Variants in NCOR1 observed in about 807,000 individuals in gnomAD.
NCOR1 encodes nuclear receptor corepressor 1.
Under a neutral mutation model 288.1 loss-of-function variants are expected in NCOR1, and 63 were observed. The ratio of observed to expected loss-of-function variants is 0.22; its 90% CI spans 0.18 to 0.27. The LOEUF is 0.27. NCOR1 is among the 10% of genes least tolerant of loss of function. The pLI is 1.00. For synonymous variants in NCOR1, 1,007 were observed against 1,065.9 expected (o/e 0.94, Z 1.08); for missense variants, 2,397 against 3,019.2 (o/e 0.79, Z 4.83).
chr17:16,162,237 C>T lies in NCOR1; in HGVS notation c.618+2742G>A, dbSNP rs560538733. ...AGGAAAATGTAAACTGGAAGACAGG[C>T]TGAAGAAATTGCTCAGAATGAAGCC... is the stretch of plus-strand genomic sequence containing the variant. On this transcript the variant is annotated intron_variant, in intron 5 of 45. Coordinates refer to ENST00000268712, the MANE Select transcript of NCOR1 (RefSeq NM_006311.4). Among the ~76,000 whole-genome samples the T allele has an allele frequency of 2.0e-5, 3 of 151,876 alleles. No individual in the cohort carries two copies. In the South Asian group the frequency reaches 6.2e-4, roughly 32 times the overall value.
chr17:16,070,745 C>T (rs1296988980), intron 30 of NCOR1, among the ~76,000 whole-genome samples: 1 of 152,134 alleles, frequency 6.6e-6, no homozygotes, highest in East Asian at 1.9e-4. Context: ...AAGAAGTACA[C>T]AAGGCCAGGC....
intron 3 of NCOR1, among the ~76,000 whole-genome samples, chr17:16,179,078 G>A (rs902488131): frequency 3.9e-5 from 6 of 152,176 alleles, no homozygotes; most frequent in Non-Finnish European, 7.3e-5. Context: ...ACCCCAGCCT[G>A]TGCATCAGAG....
rs1250944617 is a variant in NCOR1, at chr17:16,029,395, T to C, written c.*2901A>G. 3.0e-6 allele frequency: 1 copy of C among 332,604 alleles called. No individual in the cohort carries two copies. Among genetic ancestry groups the C allele is most frequent in the Non-Finnish European group, 5.9e-6 (1 of 169,756 alleles). The allele number at this position is 332,604 out of a possible 1,614,324, so 20.6% of individuals were successfully genotyped here. A position where few individuals can be genotyped will look rare whatever the true frequency, so the allele number is the denominator to read the frequency against. On this transcript the variant is annotated 3_prime_UTR_variant, in exon 46 of 46. Coordinates refer to ENST00000268712, the MANE Select transcript of NCOR1 (RefSeq NM_006311.4). The stretch of plus-strand genomic sequence containing the variant: ...GGTTAAAATCGTGTCATTAAAATTT[T>C]TTAACTGTCCAATGGTCACTGGAGT...
chr17:16,098,751 T>C, intron 20 of NCOR1: 1 of 237,186 alleles, frequency 4.2e-6, no homozygotes. Flanking sequence ...GATACAAAGA[T>C]TACCATGGCC....
At chr17:16,137,992 C>A (rs2324142) in intron 13 of NCOR1, 166 bp downstream of exon 13, 307,972 of 555,416 alleles carry the variant, frequency 0.55, 89,292 homozygotes, top group African/African-American at 0.73. Flanking sequence ...TTCTGTGTTA[C>A]GATTTCTCTA....
At chr17:16,135,724 G>A (rs1599199326) in intron 14 of NCOR1, among the ~76,000 whole-genome samples, 1 of 152,284 alleles carries the variant, frequency 6.6e-6, no homozygotes, top group Non-Finnish European at 1.5e-5. Context: ...TTTCCAAAGA[G>A]CATGTAATCA....
At chr17:16,106,601 C>T (rs76275417) in intron 19 of NCOR1, among the ~76,000 whole-genome samples, 6,416 of 152,026 alleles carry the variant, frequency 0.042, 214 homozygotes, top group South Asian at 0.12. Flanking sequence ...CAGCTGCCTT[C>T]GTTCTTCAAT....
Position 16,075,674 on chromosome 17 carries a change from A to G in NCOR1, c.3530T>C (p.Ile1177Thr). The G allele has an allele frequency of 6.2e-7, 1 of 1,614,174 alleles. No homozygotes were observed. Among genetic ancestry groups the G allele is most frequent in the South Asian group, 1.1e-5 (1 of 91,084 alleles). Residue 1177 changes from isoleucine (I) to threonine (T), a missense_variant, in exon 27 of 46, where the codon ATA (isoleucine) becomes ACA (threonine). Ile to Thr is a moderately conservative substitution (Grantham distance 89). This residue lies in a region of NCOR1 where 1,872 missense variants were observed against 2,187.8 expected (regional missense o/e 0.86). Transcript: ENST00000268712. ...QGTPALPQTG[I>T]PTEALVKGSI... ...CCCCTTCACCAAAGCCTCTGTTGGT[A>G]TGCCAGTCTGGGGCAGAGCCGGGGT...
intron 14 of NCOR1, among the ~76,000 whole-genome samples, chr17:16,127,606 C>T (rs1416624723): frequency 1.1e-4 from 13 of 119,940 alleles, no homozygotes; most frequent in South Asian, 5.6e-4. Context: ...TGTATACATA[C>T]ATATGTGTAT....
At chr17:16,040,902 C>T in intron 42 of NCOR1, 1 of 182,260 alleles carries the variant, frequency 5.5e-6, no homozygotes. Flanking sequence ...AAAAAAGAAG[C>T]AGTGTAACCC....
intron 4 of NCOR1, among the ~76,000 whole-genome samples, chr17:16,165,410 C>G (rs960697509): frequency 5.3e-5 from 8 of 152,066 alleles, no homozygotes; most frequent in Admixed American, 2.0e-4. Flanking sequence ...TGTTGATCAG[C>G]CTCTAGTATA....
At position 16,071,402 on chromosome 17, in the gene NCOR1, T is replaced by TAA. The variant is rs1222865763; in HGVS notation, c.4152+6_4152+7insTT. 2 of 1,605,054 alleles carry TAA rather than the reference T, an allele frequency of 1.2e-6. No individual in the cohort carries two copies. The highest frequency in any genetic ancestry group is 8.5e-7 in the Non-Finnish European group (1 of 1,175,432). ...GTTACTGACAAAAAGAGCCAAAACT[T>TAA]AGTTACCTGGGAAATGGAACCCTCA... is the stretch of plus-strand genomic sequence containing the variant. On this transcript the variant is annotated splice_region_variant and intron_variant, in intron 30 of 45. Transcript: ENST00000268712.
rs61753150 is a variant in NCOR1, at chr17:16,070,460, T to A, written c.4218A>T (p.Leu1406Phe). ...QSAIKHNVKSLITGPSKLSRG... is the reference protein window; with the variant it reads ...QSAIKHNVKSFITGPSKLSRG... ...GGGATAGTTTGCTAGGCCCCGTGATTAAGGATTTGACATTGTGTTTGATGG... is the reference window on the plus strand; with the variant it reads ...GGGATAGTTTGCTAGGCCCCGTGATAAAGGATTTGACATTGTGTTTGATGG... Residue 1406 changes from leucine (L) to phenylalanine (F), a missense_variant, in exon 31 of 46, where the codon TTA (leucine) becomes TTT (phenylalanine). By Grantham distance (22) the Leu-to-Phe change is conservative. Around this residue, in one of 11 missense-constraint regions of NCOR1, gnomAD observed 1,872 missense variants for 2,187.8 expected, o/e 0.86. Transcript: ENST00000268712. 6.2e-7 allele frequency: 1 copy of A among 1,614,204 alleles called. No homozygotes were observed. The highest frequency in any genetic ancestry group is 8.5e-7 in the Non-Finnish European group (1 of 1,180,026).
intron 40 of NCOR1, among the ~76,000 whole-genome samples, chr17:16,051,859 T>C (rs999346082): frequency 1.6e-4 from 24 of 151,976 alleles, no homozygotes; most frequent in Non-Finnish European, 2.6e-4. Flanking sequence ...TGTGGTGAGC[T>C]GAGATCGCGC....
intron 14 of NCOR1, among the ~76,000 whole-genome samples, chr17:16,127,401 ATATGTG>A (rs1266190033): frequency 9.5e-6 from 1 of 105,736 alleles, no homozygotes; most frequent in South Asian, 2.5e-4. Context: ...ATACATGTGT[ATATGTG>A]TATGTATATA....
Position 16,094,530 on chromosome 17 carries a change from G to A in NCOR1, c.2821-2472C>T, listed in dbSNP as rs146097261. Among the ~76,000 whole-genome samples, 26 of 152,200 alleles carry A rather than the reference G, an allele frequency of 1.7e-4. 1 individual carries two copies. The highest frequency in any genetic ancestry group is 6.0e-4 in the African/African-American group (25 of 41,512). ...AAGAAAAATTGAGAGTGTTGGAGGT[G>A]TTCAAACAAGAGTGACTCCGGCTCC... On this transcript the variant is annotated intron_variant, in intron 21 of 45. Transcript: ENST00000268712.
At chr17:16,154,884 G>T (rs908970278) in intron 6 of NCOR1, among the ~76,000 whole-genome samples, 3 of 152,166 alleles carry the variant, frequency 2.0e-5, no homozygotes, top group Non-Finnish European at 4.4e-5. Flanking sequence ...TTTAGGAGGT[G>T]GGACTAACGC....
intron 2 of NCOR1, among the ~76,000 whole-genome samples, chr17:16,187,988 A>G (rs1166291593): frequency 6.6e-6 from 1 of 151,972 alleles, no homozygotes; most frequent in Non-Finnish European, 1.5e-5. Context: ...AGATGGGGAG[A>G]AGAGGAGAAT....
intron 1 of NCOR1, among the ~76,000 whole-genome samples, chr17:16,212,928 C>G (rs1022763613): frequency 6.6e-6 from 1 of 151,726 alleles, no homozygotes; most frequent in Admixed American, 6.6e-5. Flanking sequence ...AAAAAATTAA[C>G]CAGGCGTGGT....
Sources: gnomAD v4.1 joint callset for allele counts (sites outside exome capture counted in the v4.1 genomes callset) on GRCh38, gnomAD v4.1.1 for gene constraint, gnomAD v4.1.1 regional missense constraint, MANE v1.5 for transcripts, NCBI Gene and HGNC (gene_info 2026-07-23, HGNC 2026-07-21) for gene names.